Variants in ADRB3 observed in about 807,000 individuals in gnomAD.
ADRB3 encodes beta-3 adrenergic receptor.
Under a neutral mutation model 23.8 loss-of-function variants are expected in ADRB3, and 33 were observed. The ratio of observed to expected loss-of-function variants is 1.38; its 90% CI spans 1.05 to 1.85. ADRB3 has a LOEUF of 1.85. Among genes scored for constraint, ADRB3 ranks in the 40% most tolerant of loss-of-function variants. ADRB3 has a pLI of 0.00. For missense variants in ADRB3, 600 were observed against 579.6 expected (o/e 1.04, Z -0.36); for synonymous variants, 289 against 273.0 (o/e 1.06, Z -0.58).
Position 37,965,516 on chromosome 8 carries a change from C to T in ADRB3, c.954G>A (p.Gly318=). The T allele has an allele frequency of 6.4e-7, 1 of 1,551,698 alleles. No homozygotes were observed. The highest frequency in any genetic ancestry group is 8.7e-7 in the Non-Finnish European group (1 of 1,147,310). The part of the protein sequence containing the change: ...FFLANVLRAL[G]GPSLVPGPAF... Reference sequence around the variant, plus strand: ...CCGGGCCCGGGACTAGAGAGGGGCCCCCCAGGGCGCGCAGCACGTTGGCCA... The same window carrying T: ...CCGGGCCCGGGACTAGAGAGGGGCCTCCCAGGGCGCGCAGCACGTTGGCCA... Residue 318 remains glycine (G), a synonymous_variant, in exon 1 of 2, where the codon GGG becomes GGA. Transcript: ENST00000345060.
Position 37,965,844 on chromosome 8 carries a change from G to A in ADRB3, c.626C>T (p.Ser209Phe), listed in dbSNP as rs1172606940. 6.4e-7 allele frequency: 1 copy of A among 1,553,572 alleles called. No individual in the cohort carries two copies. Among genetic ancestry groups the A allele is most frequent in the Non-Finnish European group, 8.7e-7 (1 of 1,147,862 alleles). The change falls in exon 1 of 2, where the codon TCC (serine) becomes TTC (phenylalanine). Residue 209 changes from serine to phenylalanine, a missense_variant. Physicochemically the swap from Ser to Phe is radical, Grantham distance 155. Transcript: ENST00000345060. ...ASNMPYVLLSSSVSFYLPLLV... is the reference protein window; with the variant it reads ...ASNMPYVLLSFSVSFYLPLLV... Reference sequence around the variant, plus strand: ...AAGAGGAAGGTAGAAGGAGACGGAGGAGGACAGCAGCACGTAGGGCATGTT... The same window carrying A: ...AAGAGGAAGGTAGAAGGAGACGGAGAAGGACAGCAGCACGTAGGGCATGTT...
intron 1 of ADRB3, 86 bp downstream of exon 1, chr8:37,965,178 TA>T: frequency 7.7e-7 from 1 of 1,305,928 alleles, no homozygotes; most frequent in Non-Finnish European, 1.0e-6. Context: ...CTTCTCTTAA[TA>T]AACTCCACAC....
rs1439733569 is a variant in ADRB3 at position 37,965,984 on chromosome 8, C to T, written c.486G>A (p.Trp162Ter). The change falls in exon 1 of 2, where the codon TGG (tryptophan) becomes TGA (stop). Residue 162 changes from tryptophan to a stop codon, truncating the protein, a stop_gained. Coordinates refer to ENST00000345060, the MANE Select transcript of ADRB3 (RefSeq NM_000025.3). LOFTEE classifies it high-confidence loss of function. ...CAAACGACACCGCGGCCGACACGAC[C>T]CACACCAGGACCACAGCTGTCCGGG... ...RCARTAVVLV[W>*]VVSAAVSFAP... 1 of 1,571,504 alleles carries T rather than the reference C, an allele frequency of 6.4e-7. No homozygotes were observed. The highest frequency in any genetic ancestry group is 8.6e-7 in the Non-Finnish European group (1 of 1,158,150).
intron 1 of ADRB3, chr8:37,964,944 TAA>T (rs762791184): frequency 4.1e-3 from 983 of 241,246 alleles, no homozygotes; most frequent in Middle Eastern, 8.4e-3. Flanking sequence ...TGTCTCTATT[TAA>T]AAAAAAAAAA....
chr8:37,966,024 A>G lies in ADRB3; in HGVS notation c.446T>C (p.Val149Ala), dbSNP rs1808306406. 2 of 1,579,990 alleles carry G rather than the reference A, an allele frequency of 1.3e-6. No individual in the cohort carries two copies. The highest frequency in any genetic ancestry group is 1.7e-6 in the Non-Finnish European group (2 of 1,162,886). ...VTNPLRYGAL[V>A]TKRCARTAVV... ...AGCTGTCCGGGCGCAGCGCTTGGTGACCAGTGCGCCGTAACGCAGCGGGTT... is the reference window on the plus strand; with the variant it reads ...AGCTGTCCGGGCGCAGCGCTTGGTGGCCAGTGCGCCGTAACGCAGCGGGTT... The change falls in exon 1 of 2, where the codon GTC (valine) becomes GCC (alanine). Residue 149 changes from valine (V) to alanine (A), a missense_variant. Coordinates refer to ENST00000345060, the MANE Select transcript of ADRB3 (RefSeq NM_000025.3).
chr8:37,964,008 G>A lies in ADRB3; in HGVS notation c.*210C>T. 1.9e-6 allele frequency: 1 copy of A among 535,098 alleles called. No individual in the cohort carries two copies. 33.1% of individuals were successfully genotyped at this position (535,098 alleles called of 1,614,324 possible). ...TGAGGGAGGAGTGAAGTTCAAGGCT[G>A]GGGTTTAGAAAACATCTCTCAGACA... On this transcript the variant is annotated 3_prime_UTR_variant, in exon 2 of 2. Coordinates refer to ENST00000345060, the MANE Select transcript of ADRB3 (RefSeq NM_000025.3).
Position 37,966,020 on chromosome 8 carries a change from G to C in ADRB3, c.450C>G (p.Thr150=). ...TNPLRYGALV[T]KRCARTAVVL... Reference sequence around the variant, plus strand: ...CCACAGCTGTCCGGGCGCAGCGCTTGGTGACCAGTGCGCCGTAACGCAGCG... The same window carrying C: ...CCACAGCTGTCCGGGCGCAGCGCTTCGTGACCAGTGCGCCGTAACGCAGCG... The change falls in exon 1 of 2, where the codon ACC becomes ACG. Residue 150 remains threonine (T), a synonymous_variant. Transcript: ENST00000345060. 1.3e-6 allele frequency: 2 copies of C among 1,578,566 alleles called. No homozygotes were observed. The highest frequency in any genetic ancestry group is 1.7e-6 in the Non-Finnish European group (2 of 1,162,130).
intron 1 of ADRB3, 92 bp downstream of exon 1, chr8:37,965,173 C>A (rs1808269649): frequency 6.2e-6 from 8 of 1,281,482 alleles, no homozygotes; most frequent in Admixed American, 3.3e-5. Context: ...CCCACCTTCT[C>A]TTAATAAACT....
In ADRB3 at chr8:37,965,708, C is replaced by T; in HGVS notation, c.762G>A (p.Pro254=). 2 of 1,545,948 alleles carry T rather than the reference C, an allele frequency of 1.3e-6. No homozygotes were observed. Among genetic ancestry groups the T allele is most frequent in the Non-Finnish European group, 1.7e-6 (2 of 1,144,492 alleles). The change falls in exon 1 of 2, where the codon CCG becomes CCA. Residue 254 remains proline, a synonymous_variant. Coordinates refer to ENST00000345060, the MANE Select transcript of ADRB3 (RefSeq NM_000025.3). The part of the protein sequence containing the change: ...RFPPEESPPA[P]SRSLAPAPVG... The stretch of plus-strand genomic sequence containing the variant: ...CCGGGGCCGGGGCCAGAGAGCGCGA[C>T]GGCGCCGGCGGAGACTCCTCGGGCG...
Position 37,963,858 on chromosome 8 carries a change from G to T in ADRB3, c.*360C>A. On this transcript the variant is annotated 3_prime_UTR_variant, in exon 2 of 2. Coordinates refer to ENST00000345060, the MANE Select transcript of ADRB3 (RefSeq NM_000025.3). ...CTAAGGTCTCATCAGGGTTTGGGTG[G>T]CAGAAGGAATGGAACCAGGGGAGCT... 4.5e-6 allele frequency: 1 copy of T among 220,700 alleles called. No homozygotes were observed. Among genetic ancestry groups the T allele is most frequent in the Non-Finnish European group, 9.0e-6 (1 of 111,554 alleles). The allele number at this position is 220,700 out of a possible 1,614,324, so 13.7% of individuals were successfully genotyped here.
Position 37,964,251 on chromosome 8 carries a change from A to T in ADRB3, c.1206-12T>A, listed in dbSNP as rs1327194878. ...CTCCCCAAGAAGCCCTGGGAAAAAA[A>T]GTGGAGATAATAGACCCTGGGGTGA... On this transcript the variant is annotated splice_polypyrimidine_tract_variant and intron_variant, in intron 1 of 1. Transcript: ENST00000345060. 1.2e-6 allele frequency: 2 copies of T among 1,612,154 alleles called. No homozygotes were observed. Among genetic ancestry groups the T allele is most frequent in the Non-Finnish European group, 1.7e-6 (2 of 1,178,624 alleles).
Position 37,966,273 on chromosome 8 carries a change from G to C in ADRB3, c.197C>G (p.Pro66Arg), listed in dbSNP as rs549662633. 2 of 1,613,748 alleles carry C rather than the reference G, an allele frequency of 1.2e-6. No homozygotes were observed. The highest frequency in any genetic ancestry group is 1.7e-5 in the Admixed American group (1 of 60,014). Reference protein sequence around the residue: ...LLVIVAIAWTPRLQTMTNVFV... With the variant: ...LLVIVAIAWTRRLQTMTNVFV... Reference sequence around the variant, plus strand: ...CACGTTGGTCATGGTCTGGAGTCTCGGAGTCCAGGCGATGGCCACGATGAC... The same window carrying C: ...CACGTTGGTCATGGTCTGGAGTCTCCGAGTCCAGGCGATGGCCACGATGAC... Residue 66 changes from proline (P) to arginine (R), a missense_variant, in exon 1 of 2, where the codon CCG (proline) becomes CGG (arginine). By Grantham distance (103) the Pro-to-Arg change is moderately radical. Coordinates refer to ENST00000345060, the MANE Select transcript of ADRB3 (RefSeq NM_000025.3).
At chr8:37,964,811 A>T (rs1808264271) in intron 1 of ADRB3, among the ~76,000 whole-genome samples, 1 of 152,194 alleles carries the variant, frequency 6.6e-6, no homozygotes, top group Non-Finnish European at 1.5e-5. Flanking sequence ...GCTCGCCTGT[A>T]GTCCCAGATA....
Position 37,965,734 on chromosome 8 carries a change from G to C in ADRB3, c.736C>G (p.Pro246Ala), listed in dbSNP as rs199988854. 3 of 1,549,924 alleles carry C rather than the reference G, an allele frequency of 1.9e-6. No homozygotes were observed. Among genetic ancestry groups the C allele is most frequent in the Non-Finnish European group, 2.6e-6 (3 of 1,146,382 alleles). Residue 246 changes from proline to alanine, a missense_variant, in exon 1 of 2, where the codon CCG becomes GCG. Physicochemically the swap from Pro to Ala is conservative, Grantham distance 27. Transcript: ENST00000345060. ...RLLRGELGRF[P>A]PEESPPAPSR... ...GGCGCCGGCGGAGACTCCTCGGGCG[G>C]AAAGCGGCCCAGCTCCCCGCGCAGC... is the stretch of plus-strand genomic sequence containing the variant.
Position 37,965,465 on chromosome 8 carries a change from A to T in ADRB3, c.1005T>A (p.Gly335=), listed in dbSNP as rs1179537818. ...GCGGGTTGAAGGCAGAATTGGCATA[A>T]CCTAGCCAGTTCAGGGCAAGGAAAG... is the stretch of plus-strand genomic sequence containing the variant. ...GPAFLALNWL[G]YANSAFNPLI... is the part of the protein sequence containing the mutation. Residue 335 remains glycine, a synonymous_variant, in exon 1 of 2, where the codon GGT becomes GGA. Coordinates refer to ENST00000345060, the MANE Select transcript of ADRB3 (RefSeq NM_000025.3). 4.5e-6 allele frequency: 7 copies of T among 1,551,684 alleles called. No individual in the cohort carries two copies. The highest frequency in any genetic ancestry group is 3.3e-4 in the Middle Eastern group (2 of 6,006).
Position 37,965,264 on chromosome 8 carries a change from C to A in ADRB3, c.1205+1G>T, listed in dbSNP as rs1808273426. The stretch of plus-strand genomic sequence containing the variant: ...CCGGTCCCTCTGCCCCGGTTACCTA[C>A]CCGTCGAGCCGTTGGCAAAGCCTGG... On this transcript the variant is annotated splice_donor_variant, in intron 1 of 1. Coordinates refer to ENST00000345060, the MANE Select transcript of ADRB3 (RefSeq NM_000025.3). LOFTEE classifies it high-confidence loss of function. The A allele has an allele frequency of 3.3e-6, 5 of 1,511,218 alleles. No individual in the cohort carries two copies. Among genetic ancestry groups the A allele is most frequent in the African/African-American group, 1.4e-5 (1 of 69,490 alleles). The allele number at this position is 1,511,218 out of a possible 1,614,324, so 93.6% of individuals were successfully genotyped here. A position where few individuals can be genotyped will look rare whatever the true frequency, so the allele number is the denominator to read the frequency against.
chr8:37,965,184 C>G, intron 1 of ADRB3, 81 bp downstream of exon 1: 1 of 1,332,266 alleles, frequency 7.5e-7, no homozygotes, highest in Non-Finnish European at 9.8e-7. Context: ...TTAATAAACT[C>G]CACACTCAAA....
In ADRB3 at chr8:37,965,651, G is replaced by T. The variant is rs199746431; in HGVS notation, c.819C>A (p.Pro273=). The change falls in exon 1 of 2, where the codon CCC becomes CCA. Residue 273 remains proline, a synonymous_variant. Coordinates refer to ENST00000345060, the MANE Select transcript of ADRB3 (RefSeq NM_000025.3). ...GGCGCGCGGGCCGCCGGCCGCAGGC[G>T]GGCACCCCTTCGGGCGGAGCGCACG... ...VGTCAPPEGV[P]ACGRRPARLL... is the part of the protein sequence containing the mutation. 3.3e-6 allele frequency: 5 copies of T among 1,534,498 alleles called. No individual in the cohort carries two copies. Among genetic ancestry groups the T allele is most frequent in the African/African-American group, 1.4e-5 (1 of 70,844 alleles).
Position 37,964,128 on chromosome 8 carries a change from C to G in ADRB3, c.*90G>C, listed in dbSNP as rs1026801292. 1 of 1,176,578 alleles carries G rather than the reference C, an allele frequency of 8.5e-7. No individual in the cohort carries two copies. The highest frequency in any genetic ancestry group is 1.5e-5 in the African/African-American group (1 of 66,048). The allele number at this position is 1,176,578 out of a possible 1,614,324, so 72.9% of individuals were successfully genotyped here. ...GTTCTGGAGGGTAGAGTGTCACAGC[C>G]GGGGAATCCCATGGGACTCATTCTG... On this transcript the variant is annotated 3_prime_UTR_variant, in exon 2 of 2. Coordinates refer to ENST00000345060, the MANE Select transcript of ADRB3 (RefSeq NM_000025.3).
Sources: gnomAD v4.1 joint callset for allele counts (sites outside exome capture counted in the v4.1 genomes callset) on GRCh38, gnomAD v4.1.1 for gene constraint, MANE v1.5 for transcripts, NCBI Gene and HGNC (gene_info 2026-07-23, HGNC 2026-07-21) for gene names.